Variants in TLN2 observed in about 807,000 individuals in gnomAD.
TLN2 encodes talin 2.
A neutral mutation model predicts 294.7 loss-of-function variants in TLN2; 118 were observed. The ratio of observed to expected loss-of-function variants is 0.40; its 90% CI spans 0.34 to 0.47. TLN2 has a LOEUF of 0.47. Among genes scored for constraint, TLN2 ranks in the 20% least tolerant of loss-of-function variants. The pLI is 0.84. For synonymous variants in TLN2, 1,431 were observed against 1,304.5 expected, an observed-to-expected ratio of 1.10 and a Z score of -2.09; for missense variants, 3,083 against 3,282.2, an observed-to-expected ratio of 0.94 and a Z score of 1.48.
intron 52 of TLN2, among the ~76,000 whole-genome samples, chr15:62,818,064 C>G (rs571158631): frequency 6.6e-5 from 10 of 152,250 alleles, no homozygotes; most frequent in African/African-American, 2.4e-4. Flanking sequence ...CCCGCCCGAG[C>G]CTCCCAAAGT....
chr15:62,598,118 G>A (rs1195811706), intron 2 of TLN2, among the ~76,000 whole-genome samples: 4 of 152,166 alleles, frequency 2.6e-5, no homozygotes, highest in Admixed American at 6.5e-5. Flanking sequence ...CTACATCCTT[G>A]AAGCCTGGTG....
At chr15:62,563,890 T>G (rs906166073) in intron 1 of TLN2, among the ~76,000 whole-genome samples, 5 of 152,174 alleles carry the variant, frequency 3.3e-5, no homozygotes, top group African/African-American at 7.2e-5. Context: ...GTCATTTGTT[T>G]ATGGGTCTCT....
intron 3 of TLN2, among the ~76,000 whole-genome samples, chr15:62,626,320 A>G (rs1249527929): frequency 6.6e-6 from 1 of 152,152 alleles, no homozygotes; most frequent in African/African-American, 2.4e-5. Flanking sequence ...ACAAAATAAA[A>G]ACCAAAAGTA....
At chr15:62,784,065 T>A (rs1246708909) in intron 45 of TLN2, 175 bp downstream of exon 45, 1 of 1,152,790 alleles carries the variant, frequency 8.7e-7, no homozygotes, top group Non-Finnish European at 1.2e-6. Context: ...CAGGCTGTAC[T>A]CAAGTCTCAC....
chr15:62,404,260 A>G (rs999885354), intron 1 of TLN2, among the ~76,000 whole-genome samples: 1 of 152,202 alleles, frequency 6.6e-6, no homozygotes, highest in African/African-American at 2.4e-5. Flanking sequence ...AGCTGGATGG[A>G]GACAAATGGT....
chr15:62,841,770 T>C lies in TLN2; in HGVS notation c.*1160T>C, dbSNP rs1032815443. 1.3e-5 allele frequency: 2 copies of C among 151,996 alleles called. No homozygotes were observed. Among genetic ancestry groups the C allele is most frequent in the African/African-American group, 4.8e-5 (2 of 41,380 alleles). 9.4% of individuals were successfully genotyped at this position (151,996 alleles called of 1,614,324 possible). ...CTTTCCCCTTTTCAGAGCCCTCCCA[T>C]AGGAAGGGAAGGGCTTGAATTTACC... On this transcript the variant is annotated 3_prime_UTR_variant, in exon 59 of 59. Coordinates refer to ENST00000636159, the MANE Select transcript of TLN2 (RefSeq NM_015059.3).
intron 1 of TLN2, among the ~76,000 whole-genome samples, chr15:62,442,319 AC>A (rs1454623226): frequency 1.3e-5 from 2 of 151,570 alleles, no homozygotes; most frequent in East Asian, 1.9e-4. Flanking sequence ...ACATGGTGAA[AC>A]CCCGTCTCTA....
chr15:62,466,666 A>C (rs748723275), intron 1 of TLN2, among the ~76,000 whole-genome samples: 2 of 152,206 alleles, frequency 1.3e-5, no homozygotes, highest in Non-Finnish European at 2.9e-5. Flanking sequence ...CACAGCTGAG[A>C]TATTTAGTAT....
At chr15:62,677,931 G>C (rs553001553) in intron 11 of TLN2, among the ~76,000 whole-genome samples, 1 of 149,318 alleles carries the variant, frequency 6.7e-6, no homozygotes, top group Non-Finnish European at 1.5e-5. Context: ...GAGTAGCTAG[G>C]GTTACAGGCA....
chr15:62,838,754 T>C, intron 57 of TLN2, 102 bp from the exon 58 acceptor site: 1 of 1,445,824 alleles, frequency 6.9e-7, no homozygotes, highest in East Asian at 2.3e-5. Flanking sequence ...AATTGGATAA[T>C]CAATTGACTC....
chr15:62,419,476 G>C (rs911386828), intron 1 of TLN2, among the ~76,000 whole-genome samples: 7 of 152,130 alleles, frequency 4.6e-5, no homozygotes, highest in Non-Finnish European at 1.0e-4. Flanking sequence ...ATGTATCAGA[G>C]CTGCCACTAC....
chr15:62,686,861 G>C (rs1449106908), intron 12 of TLN2, 65 bp downstream of exon 12: 3 of 1,580,824 alleles, frequency 1.9e-6, no homozygotes, highest in Middle Eastern at 2.3e-4. Context: ...GGGGACAGGA[G>C]AAAGACCAGA....
intron 52 of TLN2, among the ~76,000 whole-genome samples, chr15:62,815,205 A>T (rs938524638): frequency 4.0e-5 from 6 of 151,128 alleles, no homozygotes; most frequent in African/African-American, 1.2e-4. Flanking sequence ...ACACACACAC[A>T]CACACACACA....
intron 11 of TLN2, among the ~76,000 whole-genome samples, chr15:62,682,215 A>T (rs553395087): frequency 3.3e-5 from 5 of 152,252 alleles, no homozygotes; most frequent in Non-Finnish European, 7.3e-5. Flanking sequence ...AATGAATGGC[A>T]TGGTTATGTT....
intron 1 of TLN2, among the ~76,000 whole-genome samples, chr15:62,479,259 C>A (rs567867675): frequency 6.6e-6 from 1 of 152,254 alleles, no homozygotes; most frequent in East Asian, 1.9e-4. Context: ...GCATCAAGGA[C>A]TGGTACCCTC....
At chr15:62,669,095 C>A (rs189768199) in intron 9 of TLN2, among the ~76,000 whole-genome samples, 1 of 152,208 alleles carries the variant, frequency 6.6e-6, no homozygotes, top group African/African-American at 2.4e-5. Context: ...TTAAAGACAA[C>A]CATGAAGCAA....
At chr15:62,489,783 G>A (rs555532486) in intron 1 of TLN2, among the ~76,000 whole-genome samples, 28 of 152,336 alleles carry the variant, frequency 1.8e-4, no homozygotes, top group Middle Eastern at 3.4e-3. Flanking sequence ...AAAGAAGTCC[G>A]CTGCCATATT....
At chr15:62,542,054 T>C (rs2041723076) in intron 1 of TLN2, among the ~76,000 whole-genome samples, 1 of 152,012 alleles carries the variant, frequency 6.6e-6, no homozygotes, top group African/African-American at 2.4e-5. Flanking sequence ...TGCCAGACAT[T>C]ATGCTGGGCC....
At chr15:62,420,611 A>G (rs555000643) in intron 1 of TLN2, among the ~76,000 whole-genome samples, 11 of 152,288 alleles carry the variant, frequency 7.2e-5, no homozygotes, top group Admixed American at 5.2e-4. Context: ...CTCACTAACA[A>G]CTATTTCAGT....
Sources: gnomAD v4.1 joint callset for allele counts (sites outside exome capture counted in the v4.1 genomes callset) on GRCh38, gnomAD v4.1.1 for gene constraint, MANE v1.5 for transcripts, NCBI Gene and HGNC (gene_info 2026-07-23, HGNC 2026-07-21) for gene names.